TMEM161A: variants seen among roughly 807,000 people sequenced by gnomAD.
The protein encoded by TMEM161A is adaptive response to oxidative stress protein 29.
TMEM161A carries 46 observed loss-of-function variants against 57.1 expected under a neutral mutation model. The ratio of observed to expected loss-of-function variants is 0.81; its 90% CI spans 0.64 to 1.03. The LOEUF is 1.03. Ranked by LOEUF, TMEM161A falls within the 50% of genes least tolerant of loss-of-function variation. TMEM161A has a pLI of 0.00. For missense variants in TMEM161A, 601 were observed against 621.5 expected (o/e 0.97, Z 0.35); for synonymous variants, 288 against 279.0 (o/e 1.03, Z -0.32).
At chr19:19,136,049 C>T (rs2059983246) in intron 1 of TMEM161A, among the ~76,000 whole-genome samples, 1 of 151,700 alleles carries the variant, frequency 6.6e-6, no homozygotes, top group African/African-American at 2.4e-5. Context: ...TTTTCTCACC[C>T]AGTTCTTAAT....
intron 6 of TMEM161A, among the ~76,000 whole-genome samples, chr19:19,125,001 G>A (rs1012028036): frequency 6.6e-6 from 1 of 151,734 alleles, no homozygotes; most frequent in Non-Finnish European, 1.5e-5. Flanking sequence ...ACAAAAGTGA[G>A]ACCTGGTAAA....
At chr19:19,138,380 G>C (rs1034261386) in intron 1 of TMEM161A, 46 bp downstream of exon 1, 2 of 1,590,286 alleles carry the variant, frequency 1.3e-6, no homozygotes, top group Non-Finnish European at 1.7e-6. Flanking sequence ...CCTTCGGCTG[G>C]ACCTCGGCCC....
chr19:19,138,451 A>T lies in TMEM161A; in HGVS notation c.-23T>A. 1 of 1,598,472 alleles carries T rather than the reference A, an allele frequency of 6.3e-7. No individual in the cohort carries two copies. The highest frequency in any genetic ancestry group is 8.5e-7 in the Non-Finnish European group (1 of 1,172,934). On this transcript the variant is annotated 5_prime_UTR_variant, in exon 1 of 12. Coordinates refer to ENST00000162044, the MANE Select transcript of TMEM161A (RefSeq NM_017814.3). ...CATGACGCGTGCGAGAACGCGGTGC[A>T]CTCACCCACCGGCCTAGGGCTCCGG...
chr19:19,136,952 C>T (rs1179374847), intron 1 of TMEM161A, among the ~76,000 whole-genome samples: 1 of 151,538 alleles, frequency 6.6e-6, no homozygotes, highest in African/African-American at 2.4e-5. Context: ...TCCCACCCCC[C>T]AGTCTGTTTT....
chr19:19,133,122 T>G lies in TMEM161A; in HGVS notation c.188+8A>C, dbSNP rs1599710512. 6.2e-7 allele frequency: 1 copy of G among 1,613,004 alleles called. No homozygotes were observed. The highest frequency in any genetic ancestry group is 8.5e-7 in the Non-Finnish European group (1 of 1,179,360). ...CCCAAGGCTGGGGCTGGGGCCCAGG[T>G]CACTCACCGCTCTTTCCTGCCTCTG... On this transcript the variant is annotated splice_region_variant and intron_variant, in intron 3 of 11. Transcript: ENST00000162044.
Position 19,121,564 on chromosome 19 carries a change from C to T in TMEM161A, c.761G>A (p.Arg254Gln), listed in dbSNP as rs761597340. 7.6e-5 allele frequency: 123 copies of T among 1,613,778 alleles called. No homozygotes were observed. Among genetic ancestry groups the T allele is most frequent in the Middle Eastern group, 3.3e-4 (2 of 6,082 alleles). Residue 254 changes from arginine (R) to glutamine (Q), a missense_variant, in exon 8 of 12, where the codon CGG (arginine) becomes CAG (glutamine). By Grantham distance (43) the Arg-to-Gln change is conservative. Coordinates refer to ENST00000162044, the MANE Select transcript of TMEM161A (RefSeq NM_017814.3). The surrounding 1 kb of genome is among the most constrained non-coding windows in gnomAD (Gnocchi z 5.8). ...GTCCTCCGACATGGTCAGTGCGTCC[C>T]GGTGGGTCTGGGCCAGCCGCAGGCC... ...FPGLRLAQTHRDALTMSEDRP... is the reference protein window; with the variant it reads ...FPGLRLAQTHQDALTMSEDRP...
rs980510019 is a variant in TMEM161A at position 19,132,271 on chromosome 19, C to T, written c.443+81G>A. 2.7e-6 allele frequency: 4 copies of T among 1,491,324 alleles called. No homozygotes were observed. Among genetic ancestry groups the T allele is most frequent in the Non-Finnish European group, 3.6e-6 (4 of 1,106,190 alleles). The allele number at this position is 1,491,324 out of a possible 1,614,324, so 92.4% of individuals were successfully genotyped here. A position where few individuals can be genotyped will look rare whatever the true frequency, so the allele number is the denominator to read the frequency against. On this transcript the variant is annotated intron_variant, in intron 5 of 11. Coordinates refer to ENST00000162044, the MANE Select transcript of TMEM161A (RefSeq NM_017814.3). The surrounding 1 kb of genome is among the most constrained non-coding windows in gnomAD (Gnocchi z 4.3). ...TTTGTGGCACAGCAGGTGAAAACTG[C>T]CACACCAGTTTAGGGGAGCCAGGGA...
rs113403339 is a variant in TMEM161A, at chr19:19,132,150, T to C, written c.443+202A>G. Among the ~76,000 whole-genome samples the C allele has an allele frequency of 1.9e-3, 285 of 151,938 alleles. 1 individual carries two copies. Among genetic ancestry groups the C allele is most frequent in the African/African-American group, 6.8e-3 (281 of 41,406 alleles). On this transcript the variant is annotated intron_variant, in intron 5 of 11. Coordinates refer to ENST00000162044, the MANE Select transcript of TMEM161A (RefSeq NM_017814.3). The surrounding 1 kb of genome is among the most constrained non-coding windows in gnomAD (Gnocchi z 4.3). ...CACCAAAGGGCATGACCATGTGGAG[T>C]GGAGATGAACCGACCTGCTGAGCCC...
chr19:19,120,333 G>C (rs944842269), intron 11 of TMEM161A, 150 bp from the exon 12 acceptor site: 1 of 731,780 alleles, frequency 1.4e-6, no homozygotes, highest in African/African-American at 1.8e-5. Flanking sequence ...CCCCTCAGGC[G>C]CTGCCCCCTG....
chr19:19,130,820 G>A (rs2059955055), intron 5 of TMEM161A, among the ~76,000 whole-genome samples: 3 of 152,164 alleles, frequency 2.0e-5, no homozygotes, highest in African/African-American at 4.8e-5. Flanking sequence ...CTACTGGGGA[G>A]CCTGAGGTGG....
chr19:19,132,773 G>C lies in TMEM161A; in HGVS notation c.189-19C>G. Reference sequence around the variant, plus strand: ...GGCCCACCTGGGAGGATGGTGACAAGCAAGAGGGACGGTGAGCACGCATTC... The same window carrying C: ...GGCCCACCTGGGAGGATGGTGACAACCAAGAGGGACGGTGAGCACGCATTC... On this transcript the variant is annotated intron_variant, in intron 3 of 11. Coordinates refer to ENST00000162044, the MANE Select transcript of TMEM161A (RefSeq NM_017814.3). The surrounding 1 kb of genome is among the most constrained non-coding windows in gnomAD (Gnocchi z 4.3). 1 of 1,520,302 alleles carries C rather than the reference G, an allele frequency of 6.6e-7. No homozygotes were observed. The highest frequency in any genetic ancestry group is 2.3e-5 in the East Asian group (1 of 43,918). 94.2% of individuals were successfully genotyped at this position (1,520,302 alleles called of 1,614,324 possible).
At chr19:19,136,634 C>G (rs1267558508) in intron 1 of TMEM161A, among the ~76,000 whole-genome samples, 1 of 151,954 alleles carries the variant, frequency 6.6e-6, no homozygotes, top group Non-Finnish European at 1.5e-5. Flanking sequence ...CCAGCCTGGG[C>G]AACAGAGTGG....
At chr19:19,134,700 C>CTG in intron 2 of TMEM161A, 84 bp downstream of exon 2, 1 of 1,023,816 alleles carries the variant, frequency 9.8e-7, no homozygotes, top group Non-Finnish European at 1.4e-6. Flanking sequence ...AAAATCAAGG[C>CTG]TTTGCAATTT....
rs1431854947 is a variant in TMEM161A at position 19,128,646 on chromosome 19, C to T, written c.595+1510G>A. The stretch of plus-strand genomic sequence containing the variant: ...CTCCGCTTCCTGGGTTCAAGCAATT[C>T]TCCTGCCTCAGCCATCCAAGTAGCT... On this transcript the variant is annotated intron_variant, in intron 6 of 11. Transcript: ENST00000162044. Among the ~76,000 whole-genome samples the T allele has an allele frequency of 6.1e-4, 92 of 149,858 alleles. 1 individual carries two copies.
At chr19:19,123,127 T>C (rs989821369) in intron 6 of TMEM161A, among the ~76,000 whole-genome samples, 1 of 152,074 alleles carries the variant, frequency 6.6e-6, no homozygotes, top group Admixed American at 6.6e-5. Context: ...AAGAAATCAC[T>C]CAGATTCCAA....
Position 19,120,029 on chromosome 19 carries a change from G to A in TMEM161A, c.1341C>T (p.Leu447=). Reference sequence around the variant, plus strand: ...AGATGAGGTAGGCCAGGACGCCACGGAGGAAGAGGGGAGTAAGCAGGCCAC... The same window carrying A: ...AGATGAGGTAGGCCAGGACGCCACGAAGGAAGAGGGGAGTAAGCAGGCCAC... ...ALGGLLTPLF[L]RGVLAYLIWW... The change falls in exon 12 of 12, where the codon CTC becomes CTT. Residue 447 remains leucine (L), a synonymous_variant. Transcript: ENST00000162044. 3 of 1,600,520 alleles carry A rather than the reference G, an allele frequency of 1.9e-6. No homozygotes were observed. Among genetic ancestry groups the A allele is most frequent in the African/African-American group, 2.7e-5 (2 of 74,846 alleles).
At chr19:19,133,089 G>T in intron 3 of TMEM161A, 41 bp downstream of exon 3, 1 of 1,580,766 alleles carries the variant, frequency 6.3e-7, no homozygotes, top group Non-Finnish European at 8.7e-7. Flanking sequence ...CTGGGGAGGA[G>T]CCACCCTCCC....
At chr19:19,125,058 T>G (rs2059924747) in intron 6 of TMEM161A, among the ~76,000 whole-genome samples, 1 of 151,800 alleles carries the variant, frequency 6.6e-6, no homozygotes, top group Admixed American at 6.6e-5. Context: ...TTAGAAAAGA[T>G]TGAAAATTTA....
Position 19,132,867 on chromosome 19 carries a change from C to A in TMEM161A, c.189-113G>T. The stretch of plus-strand genomic sequence containing the variant: ...AGACCATCTCTTTCCACAACCTTGG[C>A]TCCTCTGCACACTGGGATATGGGGA... On this transcript the variant is annotated intron_variant, in intron 3 of 11. Coordinates refer to ENST00000162044, the MANE Select transcript of TMEM161A (RefSeq NM_017814.3). This position sits in a 1 kb window ranked among gnomAD's most constrained non-coding sequence, Gnocchi z 4.3. 2.2e-6 allele frequency: 2 copies of A among 899,692 alleles called. No homozygotes were observed. Among genetic ancestry groups the A allele is most frequent in the East Asian group, 2.7e-5 (1 of 37,224 alleles). The allele number at this position is 899,692 out of a possible 1,614,324, so 55.7% of individuals were successfully genotyped here.
Sources: gnomAD v4.1 joint callset for allele counts (sites outside exome capture counted in the v4.1 genomes callset) on GRCh38, gnomAD v4.1.1 for gene constraint, Gnocchi (gnomAD v3.1) non-coding constraint, MANE v1.5 for transcripts, NCBI Gene and HGNC (gene_info 2026-07-23, HGNC 2026-07-21) for gene names.